SNTG1: variants seen among roughly 807,000 people sequenced by gnomAD.
SNTG1 encodes syntrophin gamma 1, also known as gamma-1-syntrophin.
In SNTG1, 39 loss-of-function variants were observed where a neutral mutation model predicts 74.7. The observed-to-expected ratio is 0.52, with a 90% confidence interval of 0.40 to 0.68. The LOEUF is 0.68. Ranked by LOEUF, SNTG1 falls within the 30% of genes least tolerant of loss-of-function variation. The probability of loss-of-function intolerance (pLI) is 0.00; values close to 1 mark genes in which losing one functional copy is unlikely to be tolerated. For synonymous variants in SNTG1, 254 were observed against 217.1 expected (o/e 1.17, Z -1.49); for missense variants, 685 against 609.5 (o/e 1.12, Z -1.30).
chr8:50,202,819 A>T (rs1384953170), intron 2 of SNTG1, among the ~76,000 whole-genome samples: 1 of 151,044 alleles, frequency 6.6e-6, no homozygotes, highest in Admixed American at 6.6e-5. Flanking sequence ...ACAGTTTGAA[A>T]ATGTTATGTG....
At chr8:50,509,135 A>G (rs2094039584) in intron 9 of SNTG1, among the ~76,000 whole-genome samples, 1 of 152,230 alleles carries the variant, frequency 6.6e-6, no homozygotes, top group Non-Finnish European at 1.5e-5. Flanking sequence ...AGCTTTCTAC[A>G]TATGGCTAGC....
intron 12 of SNTG1, among the ~76,000 whole-genome samples, chr8:50,568,253 GC>G (rs1331079406): frequency 5.9e-5 from 9 of 151,764 alleles, no homozygotes; most frequent in African/African-American, 1.5e-4. Flanking sequence ...GTGTGTGTGT[GC>G]TATCTATTTA....
Position 50,096,469 on chromosome 8 carries a change from G to A in SNTG1, c.-102-76092G>A, listed in dbSNP as rs144258439. 3.5e-3 allele frequency among the ~76,000 whole-genome samples: 536 copies of A among 152,244 alleles called. 6 individuals carry two copies. Among genetic ancestry groups the A allele is most frequent in the African/African-American group, 0.012 (517 of 41,546 alleles). On this transcript the variant is annotated intron_variant, in intron 1 of 18. Coordinates refer to ENST00000642720, the MANE Select transcript of SNTG1 (RefSeq NM_018967.5). The stretch of plus-strand genomic sequence containing the variant: ...TCAGTGTAAACGATGACATCCAAAT[G>A]AATCTACCCTTGAAGTAAATAAAGG...
At position 50,673,149 on chromosome 8, in the gene SNTG1, T is replaced by G. The variant is rs550333417; in HGVS notation, c.1038+14486T>G. 3.9e-5 allele frequency among the ~76,000 whole-genome samples: 6 copies of G among 152,316 alleles called. No homozygotes were observed. In the South Asian group the frequency reaches 1.2e-3, roughly 32 times the overall value. On this transcript the variant is annotated intron_variant, in intron 15 of 18. Transcript: ENST00000642720. ...TCATTCTTTTTCCTTAGGATTGTCTTGGCTATAGAGGGTCTCCTTTGATTT... is the reference window on the plus strand; with the variant it reads ...TCATTCTTTTTCCTTAGGATTGTCTGGGCTATAGAGGGTCTCCTTTGATTT...
intron 1 of SNTG1, among the ~76,000 whole-genome samples, chr8:49,974,245 A>G (rs1207899597): frequency 6.6e-6 from 1 of 152,170 alleles, no homozygotes; most frequent in African/African-American, 2.4e-5. Context: ...ATCTTTTCCA[A>G]ATGGAGGCCA....
At chr8:50,627,028 T>C (rs2094961088) in intron 13 of SNTG1, among the ~76,000 whole-genome samples, 1 of 152,216 alleles carries the variant, frequency 6.6e-6, no homozygotes, top group South Asian at 2.1e-4. Flanking sequence ...TGTGTATTGA[T>C]TTTGTCGACT....
chr8:49,994,154 A>G (rs573749315), intron 1 of SNTG1, among the ~76,000 whole-genome samples: 1 of 152,116 alleles, frequency 6.6e-6, no homozygotes, highest in Admixed American at 6.5e-5. Flanking sequence ...GTAGTATAAT[A>G]TGCTTCGTCT....
At chr8:49,958,879 A>C (rs1465615161) in intron 1 of SNTG1, among the ~76,000 whole-genome samples, 1 of 152,246 alleles carries the variant, frequency 6.6e-6, no homozygotes, top group Non-Finnish European at 1.5e-5. Context: ...TGGGTCCCCA[A>C]AGCAAAGATT....
At chr8:49,941,169 G>A (rs543004317) in intron 1 of SNTG1, among the ~76,000 whole-genome samples, 1 of 151,940 alleles carries the variant, frequency 6.6e-6, no homozygotes, top group Non-Finnish European at 1.5e-5. Context: ...ACAAAGGGGG[G>A]TTTCCCTTTG....
At chr8:50,086,399 G>A (rs970685218) in intron 1 of SNTG1, among the ~76,000 whole-genome samples, 1 of 152,128 alleles carries the variant, frequency 6.6e-6, no homozygotes, top group Non-Finnish European at 1.5e-5. Context: ...AATTAATTTA[G>A]AAAAATGGAA....
At chr8:50,402,404 T>G in intron 4 of SNTG1, 60 bp downstream of exon 4, 1 of 1,526,504 alleles carries the variant, frequency 6.6e-7, no homozygotes, top group Non-Finnish European at 8.8e-7. Flanking sequence ...ATAAAAATGT[T>G]TATTCACAGG....
At chr8:50,723,889 A>T (rs532865692) in intron 17 of SNTG1, among the ~76,000 whole-genome samples, 1 of 152,284 alleles carries the variant, frequency 6.6e-6, no homozygotes, top group South Asian at 2.1e-4. Context: ...TTGTAGTGAG[A>T]CCATAGCAAG....
chr8:50,585,220 T>C (rs1216570401), intron 12 of SNTG1, among the ~76,000 whole-genome samples: 1 of 152,238 alleles, frequency 6.6e-6, no homozygotes, highest in African/African-American at 2.4e-5. Context: ...TTCATTTATC[T>C]GAATCCATTT....
chr8:50,534,524 C>A (rs561157744), intron 10 of SNTG1, among the ~76,000 whole-genome samples: 1 of 152,140 alleles, frequency 6.6e-6, no homozygotes, highest in Non-Finnish European at 1.5e-5. Flanking sequence ...CTCACGCCTG[C>A]AATCCCAGCA....
At chr8:50,554,030 C>T (rs1453710341) in intron 12 of SNTG1, among the ~76,000 whole-genome samples, 1 of 152,168 alleles carries the variant, frequency 6.6e-6, no homozygotes, top group Non-Finnish European at 1.5e-5. Context: ...ATATATAACT[C>T]TGTCACCAGC....
intron 1 of SNTG1, among the ~76,000 whole-genome samples, chr8:49,930,574 T>G (rs1445749176): frequency 6.6e-6 from 1 of 152,046 alleles, no homozygotes; most frequent in African/African-American, 2.4e-5. Context: ...TATATATATA[T>G]ATGTTACAGA....
intron 4 of SNTG1, among the ~76,000 whole-genome samples, chr8:50,438,226 G>C (rs562413792): frequency 6.6e-6 from 1 of 152,036 alleles, no homozygotes; most frequent in Non-Finnish European, 1.5e-5. Flanking sequence ...ATAAGAATAC[G>C]TAATGTGGAA....
At chr8:49,942,266 A>T (rs1481342559) in intron 1 of SNTG1, among the ~76,000 whole-genome samples, 1 of 152,204 alleles carries the variant, frequency 6.6e-6, no homozygotes, top group Non-Finnish European at 1.5e-5. Context: ...TTTCATTTGC[A>T]TATCACTTTC....
chr8:50,097,827 A>AG (rs1335503564), intron 1 of SNTG1, among the ~76,000 whole-genome samples: 2 of 152,226 alleles, frequency 1.3e-5, no homozygotes, highest in Non-Finnish European at 2.9e-5. Flanking sequence ...CAGATACAAA[A>AG]GAACTTTTTA....
Sources: gnomAD v4.1 joint callset for allele counts (sites outside exome capture counted in the v4.1 genomes callset) on GRCh38, gnomAD v4.1.1 for gene constraint, MANE v1.5 for transcripts, NCBI Gene and HGNC (gene_info 2026-07-23, HGNC 2026-07-21) for gene names.